ABLIM2: variants seen among roughly 807,000 people sequenced by gnomAD.
ABLIM2 encodes actin binding LIM protein family member 2.
In ABLIM2, 53 loss-of-function variants were observed where a neutral mutation model predicts 97.7. The observed-to-expected ratio is 0.54, with a 90% CI of 0.44 to 0.68. ABLIM2 has a LOEUF of 0.68. ABLIM2 is among the 30% of genes least tolerant of loss of function. ABLIM2 has a pLI of 0.00. For synonymous variants in ABLIM2, 361 were observed against 345.8 expected, an observed-to-expected ratio of 1.04 and a Z score of -0.49; for missense variants, 835 against 867.2, an observed-to-expected ratio of 0.96 and a Z score of 0.47.
At chr4:8,036,651 C>G (rs747735983) in intron 9 of ABLIM2, among the ~76,000 whole-genome samples, 2 of 152,214 alleles carry the variant, frequency 1.3e-5, no homozygotes, top group Non-Finnish European at 1.5e-5. Context: ...GTAGGCCTTG[C>G]GGAAGTGTCT....
rs562701032 is a variant in ABLIM2, at chr4:8,068,641, T to A, written c.676-7587A>T. Among the ~76,000 whole-genome samples the A allele has an allele frequency of 2.7e-4, 41 of 152,232 alleles. No individual in the cohort carries two copies. The highest frequency in any genetic ancestry group is 9.6e-4 in the African/African-American group (40 of 41,536). The stretch of plus-strand genomic sequence containing the variant: ...CCTGAATCCAACCACGGAATCCGGG[T>A]GCAAAGGCCTCCTCTGCCCACTGGA... On this transcript the variant is annotated intron_variant, in intron 6 of 20. Coordinates refer to ENST00000447017, the MANE Select transcript of ABLIM2 (RefSeq NM_001130083.2). This position sits in a 1 kb window ranked among gnomAD's most constrained non-coding sequence, Gnocchi z 4.5.
intron 3 of ABLIM2, among the ~76,000 whole-genome samples, chr4:8,090,226 C>T (rs1301642273): frequency 6.6e-6 from 1 of 152,224 alleles, no homozygotes; most frequent in African/African-American, 2.4e-5. Context: ...CTTGCACCCT[C>T]CCTGTCATGG....
At position 7,970,411 on chromosome 4, in the gene ABLIM2, G is replaced by A. The variant is rs1038836441; in HGVS notation, c.1825-3308C>T. Among the ~76,000 whole-genome samples, 1 of 152,064 alleles carries A rather than the reference G, an allele frequency of 6.6e-6. No homozygotes were observed. Among genetic ancestry groups the A allele is most frequent in the East Asian group, 1.9e-4 (1 of 5,156 alleles). On this transcript the variant is annotated intron_variant, in intron 20 of 20. Transcript: ENST00000447017. This position sits in a 1 kb window ranked among gnomAD's most constrained non-coding sequence, Gnocchi z 5.3. ...GCAATCGTGTACTTAAAGGGAGGAG[G>A]ACTGGTGAGTGAGTGGTCTCTTGGG... is the stretch of plus-strand genomic sequence containing the variant.
chr4:8,029,367 G>A (rs900819172), intron 11 of ABLIM2, among the ~76,000 whole-genome samples: 10 of 152,118 alleles, frequency 6.6e-5, no homozygotes, highest in Admixed American at 1.3e-4. Context: ...GAATCTAAGC[G>A]CTCAGCGTGT....
rs1462077506 is a variant in ABLIM2 at position 8,033,224 on chromosome 4, T to C, written c.1047+2925A>G. ...CTGCACATATGTTCAGTGAGGAGCA[T>C]GGAGGTGGGAGGGGCCCAGAAAGAG... On this transcript the variant is annotated intron_variant, in intron 10 of 20. Coordinates refer to ENST00000447017, the MANE Select transcript of ABLIM2 (RefSeq NM_001130083.2). The surrounding 1 kb of genome is among the most constrained non-coding windows in gnomAD (Gnocchi z 4.5). Among the ~76,000 whole-genome samples, 4 of 152,052 alleles carry C rather than the reference T, an allele frequency of 2.6e-5. No homozygotes were observed. Among genetic ancestry groups the C allele is most frequent in the Non-Finnish European group, 4.4e-5 (3 of 67,988 alleles).
At chr4:8,042,386 C>A (rs1234465565) in intron 9 of ABLIM2, among the ~76,000 whole-genome samples, 1 of 152,166 alleles carries the variant, frequency 6.6e-6, no homozygotes, top group African/African-American at 2.4e-5. Flanking sequence ...GTCCTAAGAC[C>A]CCCTGTGCCC....
chr4:8,006,926 TG>T, intron 16 of ABLIM2: 1 of 714,438 alleles, frequency 1.4e-6, no homozygotes, highest in Non-Finnish European at 1.7e-6. Context: ...GCCTGAATGC[TG>T]GGATCCTGGT....
chr4:8,060,215 A>C (rs1440829364), intron 7 of ABLIM2, among the ~76,000 whole-genome samples: 1 of 152,186 alleles, frequency 6.6e-6, no homozygotes, highest in South Asian at 2.1e-4. Context: ...CCGCCATCAG[A>C]AGCTTAATTT....
intron 6 of ABLIM2, among the ~76,000 whole-genome samples, chr4:8,066,067 T>C (rs1263517565): frequency 2.0e-5 from 3 of 149,540 alleles, no homozygotes; most frequent in Admixed American, 1.3e-4. Flanking sequence ...TTTGGGAGGC[T>C]GAGGCGGGCG....
intron 1 of ABLIM2, among the ~76,000 whole-genome samples, chr4:8,136,384 A>C (rs898903816): frequency 6.6e-6 from 1 of 152,216 alleles, no homozygotes; most frequent in African/African-American, 2.4e-5. Flanking sequence ...GTGTAAGTGT[A>C]TGTGTTTAGT....
chr4:8,094,304 G>A (rs1830294467), intron 3 of ABLIM2, among the ~76,000 whole-genome samples: 1 of 152,092 alleles, frequency 6.6e-6, no homozygotes, highest in Admixed American at 6.6e-5. Flanking sequence ...GCCTATTGCT[G>A]CAGCAGGACA....
At position 7,980,941 on chromosome 4, in the gene ABLIM2, A is replaced by ATTTTTTTTTTTTTTTTTTTT. The variant is rs1167615555; in HGVS notation, c.1824+2303_1824+2322dup. 5.3e-3 allele frequency among the ~76,000 whole-genome samples: 437 copies of ATTTTTTTTTTTTTTTTTTTT among 82,916 alleles called. 75 individuals are homozygous for ATTTTTTTTTTTTTTTTTTTT. Among genetic ancestry groups the ATTTTTTTTTTTTTTTTTTTT allele is most frequent in the East Asian group, 0.016 (28 of 1,780 alleles). 54.4% of individuals were successfully genotyped at this position (82,916 alleles called of 152,430 possible). A position where few individuals can be genotyped will look rare whatever the true frequency, so the allele number is the denominator to read the frequency against. ...AGAACCATGGTCTCCACAACCCCTT[A>ATTTTTTTTTTTTTTTTTTTT]TTTTTTTTTTTTTTTTTTTTGAGAT... On this transcript the variant is annotated intron_variant, in intron 20 of 20. Coordinates refer to ENST00000447017, the MANE Select transcript of ABLIM2 (RefSeq NM_001130083.2).
rs1852162541 is a variant in ABLIM2 at position 8,148,340 on chromosome 4, C to G, written c.10+10340G>C. On this transcript the variant is annotated intron_variant, in intron 1 of 20. Coordinates refer to ENST00000447017, the MANE Select transcript of ABLIM2 (RefSeq NM_001130083.2). The surrounding 1 kb of genome is among the most constrained non-coding windows in gnomAD (Gnocchi z 6.7). ...CAGCACTGTGGGCCTGCGGAGGCCTCCCCACTGGATTCCAGAGGGGGCTCT... is the reference window on the plus strand; with the variant it reads ...CAGCACTGTGGGCCTGCGGAGGCCTGCCCACTGGATTCCAGAGGGGGCTCT... Among the ~76,000 whole-genome samples, 1 of 152,140 alleles carries G rather than the reference C, an allele frequency of 6.6e-6. No individual in the cohort carries two copies. Among genetic ancestry groups the G allele is most frequent in the Non-Finnish European group, 1.5e-5 (1 of 68,020 alleles).
intron 17 of ABLIM2, among the ~76,000 whole-genome samples, chr4:7,990,333 A>G (rs1167874762): frequency 5.3e-5 from 8 of 152,058 alleles, no homozygotes; most frequent in Non-Finnish European, 1.2e-4. Flanking sequence ...AGTGGCTGGG[A>G]CTATAGGATG....
Position 8,029,690 on chromosome 4 carries a change from C to T in ABLIM2, c.1134G>A (p.Pro378=), listed in dbSNP as rs777732431. The T allele has an allele frequency of 2.3e-5, 35 of 1,550,322 alleles. No homozygotes were observed. The highest frequency in any genetic ancestry group is 2.1e-4 in the South Asian group (18 of 84,058). ...TGTAGTGCTGTGGTGACCGTGAGGTCGGAGTGTAGCGCCCGAGGCTAACCG... is the reference window on the plus strand; with the variant it reads ...TGTAGTGCTGTGGTGACCGTGAGGTTGGAGTGTAGCGCCCGAGGCTAACCG... ...TGSVSLGRYT[P]TSRSPQHYSR... is the part of the protein sequence containing the mutation. The change falls in exon 11 of 21, where the codon CCG becomes CCA. Residue 378 remains proline (P), a synonymous_variant. Coordinates refer to ENST00000447017, the MANE Select transcript of ABLIM2 (RefSeq NM_001130083.2).
intron 6 of ABLIM2, among the ~76,000 whole-genome samples, chr4:8,070,923 C>G (rs1811559567): frequency 6.6e-6 from 1 of 152,154 alleles, no homozygotes; most frequent in African/African-American, 2.4e-5. Context: ...GTCCAGACCT[C>G]AGCCCTGACA....
In ABLIM2 at chr4:8,129,000, A is replaced by T. The variant is rs1038547887; in HGVS notation, c.11-22363T>A. Among the ~76,000 whole-genome samples, 11 of 143,576 alleles carry T rather than the reference A, an allele frequency of 7.7e-5. No individual in the cohort carries two copies. The highest frequency in any genetic ancestry group is 2.8e-4 in the African/African-American group (11 of 38,658). 94.2% of individuals were successfully genotyped at this position (143,576 alleles called of 152,430 possible). On this transcript the variant is annotated intron_variant, in intron 1 of 20. Transcript: ENST00000447017. This position sits in a 1 kb window ranked among gnomAD's most constrained non-coding sequence, Gnocchi z 4.9. ...AGTCTATGAGGCTTCGTTGAGCTGC[A>T]CCGAGACCACACATCCTACCTGGCT...
At position 8,125,332 on chromosome 4, in the gene ABLIM2, T is replaced by C. The variant is rs1255457384; in HGVS notation, c.11-18695A>G. Among the ~76,000 whole-genome samples, 1 of 152,244 alleles carries C rather than the reference T, an allele frequency of 6.6e-6. No homozygotes were observed. Among genetic ancestry groups the C allele is most frequent in the Non-Finnish European group, 1.5e-5 (1 of 68,038 alleles). ...CGCTTCTGAGTGTTCTTCTAAGAGA[T>C]TTACGGGTTTTTTGGTTTTACTGTA... On this transcript the variant is annotated intron_variant, in intron 1 of 20. Coordinates refer to ENST00000447017, the MANE Select transcript of ABLIM2 (RefSeq NM_001130083.2). This position sits in a 1 kb window ranked among gnomAD's most constrained non-coding sequence, Gnocchi z 6.2.
In ABLIM2 at chr4:8,043,963, T is replaced by G. The variant is rs1194333467; in HGVS notation, c.900+1201A>C. On this transcript the variant is annotated intron_variant, in intron 9 of 20. Transcript: ENST00000447017. This position sits in a 1 kb window ranked among gnomAD's most constrained non-coding sequence, Gnocchi z 4.8. Reference sequence around the variant, plus strand: ...GTGCCTTCATGCGCCCGCCTAAGCTTCAGAGTGCACATCCCAAGCGCCACA... The same window carrying G: ...GTGCCTTCATGCGCCCGCCTAAGCTGCAGAGTGCACATCCCAAGCGCCACA... Among the ~76,000 whole-genome samples, 3 of 151,986 alleles carry G rather than the reference T, an allele frequency of 2.0e-5. No homozygotes were observed. The highest frequency in any genetic ancestry group is 7.2e-5 in the African/African-American group (3 of 41,388).
Sources: gnomAD v4.1 joint callset for allele counts (sites outside exome capture counted in the v4.1 genomes callset) on GRCh38, gnomAD v4.1.1 for gene constraint, Gnocchi (gnomAD v3.1) non-coding constraint, MANE v1.5 for transcripts, NCBI Gene and HGNC (gene_info 2026-07-23, HGNC 2026-07-21) for gene names.